ACTN2: variants seen among roughly 807,000 people sequenced by gnomAD.
ACTN2 encodes alpha-actinin-2.
ACTN2 carries 39 observed loss-of-function variants against 113.8 expected under a neutral mutation model. The ratio of observed to expected loss-of-function variants is 0.34; its 90% CI spans 0.27 to 0.45. The LOEUF (loss-of-function observed/expected upper bound fraction) is 0.45, where lower values mean the gene tolerates loss of function less well. Among genes scored for constraint, ACTN2 ranks in the 20% least tolerant of loss-of-function variants. The probability of loss-of-function intolerance (pLI) is 1.00; values close to 1 mark genes in which losing one functional copy is unlikely to be tolerated. For missense variants in ACTN2, 992 were observed against 1,177.9 expected (o/e 0.84, Z 2.31); for synonymous variants, 429 against 444.1 (o/e 0.97, Z 0.43).
chr1:236,688,944 T>A (rs536476764), intron 1 of ACTN2, among the ~76,000 whole-genome samples: 1 of 152,326 alleles, frequency 6.6e-6, no homozygotes, highest in Admixed American at 6.5e-5. Context: ...TAGCACATGA[T>A]GACGTCCGTG....
intron 4 of ACTN2, 141 bp from the exon 5 acceptor site, chr1:236,725,792 G>C: frequency 2.6e-6 from 2 of 775,904 alleles, no homozygotes; most frequent in Non-Finnish European, 4.7e-6. Context: ...CAGGGTTCTG[G>C]CTCCTATGCA....
intron 1 of ACTN2, among the ~76,000 whole-genome samples, chr1:236,713,264 G>A (rs894107391): frequency 4.9e-5 from 7 of 143,800 alleles, no homozygotes; most frequent in Non-Finnish European, 9.1e-5. Flanking sequence ...TTTCACTCCT[G>A]TTTCCCAGGC....
chr1:236,760,971 T>C (rs764725454), intron 19 of ACTN2, 44 bp from the exon 20 acceptor site: 1 of 1,612,924 alleles, frequency 6.2e-7, no homozygotes, highest in Non-Finnish European at 8.5e-7. Flanking sequence ...CTGTTGAGAG[T>C]TGTGTACCGT....
chr1:236,686,505 G>A lies in ACTN2; in HGVS notation c.-169G>A, dbSNP rs561114298. 1.3e-4 allele frequency: 82 copies of A among 636,126 alleles called. No individual in the cohort carries two copies. The African/African-American group carries it at 1.4e-3, about 11-fold the overall frequency. 39.4% of individuals were successfully genotyped at this position (636,126 alleles called of 1,614,324 possible). On this transcript the variant is annotated 5_prime_UTR_variant, in exon 1 of 21. Coordinates refer to ENST00000366578, the MANE Select transcript of ACTN2 (RefSeq NM_001103.4). ...GCGGCAGCTGCTCGCAGCCGGAGCT[G>A]GTGCTTCGCCCGAGACCCAGCGCCC... is the stretch of plus-strand genomic sequence containing the variant.
intron 1 of ACTN2, among the ~76,000 whole-genome samples, chr1:236,698,817 T>C (rs913248854): frequency 5.3e-5 from 8 of 152,226 alleles, no homozygotes; most frequent in African/African-American, 1.9e-4. Context: ...ACAACTATTA[T>C]TGAGAAATTC....
In ACTN2 at chr1:236,719,003, T is replaced by C. The variant is rs1341864; in HGVS notation, c.351T>C (p.Ile117=). ...GCAAAGGGGTGAAACTGGTGTCCAT[T>C]GGCGCTGAAGGTGAGAGGTGTGGTG... The part of the protein sequence containing the change: ...IASKGVKLVS[I]GAEEIVDGNV... Residue 117 remains isoleucine (I), a synonymous_variant, in exon 3 of 21, where the codon ATT becomes ATC. Coordinates refer to ENST00000366578, the MANE Select transcript of ACTN2 (RefSeq NM_001103.4). 1 allele frequency: 1,612,098 copies of C among 1,614,080 alleles called. 805,076 individuals carry two copies. Among genetic ancestry groups the C allele is most frequent in the East Asian group, 1 (44,869 of 44,870 alleles).
At chr1:236,736,650 A>G in intron 8 of ACTN2, 1 of 1,530,106 alleles carries the variant, frequency 6.5e-7, no homozygotes, top group East Asian at 2.4e-5. Flanking sequence ...GGAGGTCTTC[A>G]GTGAATTCAA....
At chr1:236,726,546 T>G (rs1215348683) in intron 5 of ACTN2, among the ~76,000 whole-genome samples, 1 of 152,240 alleles carries the variant, frequency 6.6e-6, no homozygotes, top group African/African-American at 2.4e-5. Context: ...AGCATGATTC[T>G]GTCACTTGCT....
intron 1 of ACTN2, 31 bp from the exon 2 acceptor site, chr1:236,717,827 T>C: frequency 8.2e-6 from 12 of 1,471,820 alleles, no homozygotes; most frequent in Non-Finnish European, 1.1e-5. Flanking sequence ...CCGATGGACC[T>C]GTGCTAAACC....
chr1:236,727,607 C>CT lies in ACTN2; in HGVS notation c.537-70dup, dbSNP rs1186064256. On this transcript the variant is annotated intron_variant, in intron 5 of 20. Transcript: ENST00000366578. ...AGACAGAAGGAAGGCCAACATCTGA[C>CT]TGAGTGCAGATGCTGGCTGCTTCTT... The CT allele has an allele frequency of 6.0e-6, 9 of 1,503,442 alleles. No homozygotes were observed. The Admixed American group carries it at 1.5e-4, about 25-fold the overall frequency. The allele number at this position is 1,503,442 out of a possible 1,614,324, so 93.1% of individuals were successfully genotyped here.
At chr1:236,713,043 G>A (rs1465150133) in intron 1 of ACTN2, among the ~76,000 whole-genome samples, 64 of 151,600 alleles carry the variant, frequency 4.2e-4, no homozygotes, top group Admixed American at 4.2e-3. Flanking sequence ...GCTGAAGATG[G>A]GGCCTGGGGT....
intron 1 of ACTN2, among the ~76,000 whole-genome samples, chr1:236,698,157 CT>C (rs1403100474): frequency 6.6e-6 from 1 of 151,454 alleles, no homozygotes; most frequent in Admixed American, 6.6e-5. Context: ...TAAAATTCTT[CT>C]GCACTCAGAA....
At chr1:236,712,826 T>C (rs1658070466) in intron 1 of ACTN2, among the ~76,000 whole-genome samples, 1 of 152,160 alleles carries the variant, frequency 6.6e-6, no homozygotes, top group Non-Finnish European at 1.5e-5. Flanking sequence ...GTATGATGAC[T>C]TTCACCAGCA....
At chr1:236,697,187 G>T (rs1657532793) in intron 1 of ACTN2, among the ~76,000 whole-genome samples, 1 of 152,200 alleles carries the variant, frequency 6.6e-6, no homozygotes. Flanking sequence ...TCAGCCAGGT[G>T]TGTTGGTGTG....
intron 1 of ACTN2, among the ~76,000 whole-genome samples, chr1:236,689,362 A>G (rs902850465): frequency 6.8e-6 from 1 of 147,422 alleles, no homozygotes; most frequent in Non-Finnish European, 1.5e-5. Flanking sequence ...TATATTTTAT[A>G]TATATATATA....
At chr1:236,751,939 G>A (rs575038471) in intron 15 of ACTN2, among the ~76,000 whole-genome samples, 6 of 152,212 alleles carry the variant, frequency 3.9e-5, no homozygotes, top group African/African-American at 1.2e-4. Flanking sequence ...TAAAGGAAAT[G>A]GTTTTTAAAG....
At chr1:236,704,236 T>C (rs1178025290) in intron 1 of ACTN2, among the ~76,000 whole-genome samples, 3 of 152,190 alleles carry the variant, frequency 2.0e-5, no homozygotes, top group Non-Finnish European at 4.4e-5. Context: ...CTCTCTGTCT[T>C]CATGGAAGTT....
intron 1 of ACTN2, among the ~76,000 whole-genome samples, chr1:236,700,671 C>T (rs1558223737): frequency 6.6e-6 from 1 of 152,156 alleles, no homozygotes; most frequent in Non-Finnish European, 1.5e-5. Flanking sequence ...GGAACAATGT[C>T]TGAGGATGCT....
chr1:236,741,319 C>T (rs1337688834), intron 10 of ACTN2, among the ~76,000 whole-genome samples: 5 of 152,196 alleles, frequency 3.3e-5, no homozygotes, highest in Non-Finnish European at 7.3e-5. Context: ...GGATTATAGG[C>T]ATGAGCGAGC....
Sources: allele counts gnomAD v4.1 joint callset (sites outside exome capture counted in the v4.1 genomes callset), GRCh38; gene constraint gnomAD v4.1.1; transcripts MANE v1.5; gene names NCBI Gene and HGNC (gene_info 2026-07-23, HGNC 2026-07-21).